ADARB2: variants seen among roughly 807,000 people sequenced by gnomAD.
ADARB2 encodes adenosine deaminase RNA specific B2 (inactive), also known as inactive double-stranded RNA-specific editase B2.
A neutral mutation model predicts 62.2 loss-of-function variants in ADARB2; 25 were observed. That is an observed-to-expected ratio of 0.40 (90% CI 0.29 to 0.56). The LOEUF (loss-of-function observed/expected upper bound fraction) is 0.56. ADARB2 is among the 20% of genes least tolerant of loss of function. ADARB2 has a pLI of 0.43. For synonymous variants in ADARB2, 572 were observed against 500.8 expected, an observed-to-expected ratio of 1.14 and a Z score of -1.90; for missense variants, 1,071 against 1,077.4, an observed-to-expected ratio of 0.99 and a Z score of 0.08.
At chr10:1,285,723 C>T (rs1287555538) in intron 3 of ADARB2, among the ~76,000 whole-genome samples, 1 of 152,176 alleles carries the variant, frequency 6.6e-6, no homozygotes, top group Non-Finnish European at 1.5e-5. Flanking sequence ...GCATTATTCA[C>T]ATTGGAAAAT....
intron 4 of ADARB2, among the ~76,000 whole-genome samples, chr10:1,263,170 T>C (rs1831160125): frequency 2.0e-5 from 3 of 149,526 alleles, no homozygotes; most frequent in African/African-American, 7.3e-5. Flanking sequence ...TTAGGAGATA[T>C]ACCTAATGCT....
intron 3 of ADARB2, among the ~76,000 whole-genome samples, chr10:1,289,422 G>T (rs1256187770): frequency 6.6e-6 from 1 of 152,218 alleles, no homozygotes; most frequent in Non-Finnish European, 1.5e-5. Context: ...TTCTAAATTG[G>T]TTGAGGCTTG....
At chr10:1,353,818 A>C (rs938910211) in intron 3 of ADARB2, among the ~76,000 whole-genome samples, 2 of 152,116 alleles carry the variant, frequency 1.3e-5, no homozygotes, top group Non-Finnish European at 2.9e-5. Flanking sequence ...ATACTGGCAC[A>C]CTTAAAAACC....
chr10:1,222,508 G>A (rs1830704184), intron 6 of ADARB2, among the ~76,000 whole-genome samples: 3 of 150,044 alleles, frequency 2.0e-5, no homozygotes, highest in Admixed American at 2.0e-4. Context: ...TGTCCTGAAT[G>A]GTATTGCCTA....
At chr10:1,577,426 T>C (rs1054347451) in intron 1 of ADARB2, among the ~76,000 whole-genome samples, 6 of 152,238 alleles carry the variant, frequency 3.9e-5, no homozygotes, top group Admixed American at 1.3e-4. Context: ...AGTGATACCC[T>C]CATGCACACA....
chr10:1,690,805 G>C (rs368254558), intron 1 of ADARB2, among the ~76,000 whole-genome samples: 3 of 152,176 alleles, frequency 2.0e-5, no homozygotes, highest in Non-Finnish European at 4.4e-5. Flanking sequence ...CATGCACACT[G>C]TCATTCGGCT....
chr10:1,641,973 A>T (rs1833984588), intron 1 of ADARB2, among the ~76,000 whole-genome samples: 1 of 152,156 alleles, frequency 6.6e-6, no homozygotes, highest in Non-Finnish European at 1.5e-5. Flanking sequence ...AGATGGTGCC[A>T]CTGCACTCCA....
intron 1 of ADARB2, among the ~76,000 whole-genome samples, chr10:1,726,204 G>T (rs960901174): frequency 6.6e-6 from 1 of 152,160 alleles, no homozygotes; most frequent in Admixed American, 6.5e-5. Flanking sequence ...AGTGCGGTTG[G>T]GTGTAGCCTC....
chr10:1,339,376 A>G (rs762459635), intron 3 of ADARB2, among the ~76,000 whole-genome samples: 15 of 152,216 alleles, frequency 9.9e-5, no homozygotes, highest in Middle Eastern at 3.2e-3. Flanking sequence ...CATTCCTGCC[A>G]ACTGCACTTT....
chr10:1,609,814 C>T (rs142752524), intron 1 of ADARB2, among the ~76,000 whole-genome samples: 190 of 152,298 alleles, frequency 1.2e-3, no homozygotes, highest in African/African-American at 3.8e-3. Context: ...CATGACCACG[C>T]GTAGCGTTAG....
chr10:1,490,196 A>G (rs546899844), intron 1 of ADARB2, among the ~76,000 whole-genome samples: 4 of 152,352 alleles, frequency 2.6e-5, no homozygotes, highest in Admixed American at 2.6e-4. Flanking sequence ...TTCACCCAGG[A>G]CTTGCCTTGG....
intron 3 of ADARB2, among the ~76,000 whole-genome samples, chr10:1,312,521 T>C (rs1831701440): frequency 6.6e-6 from 1 of 152,244 alleles, no homozygotes; most frequent in Admixed American, 6.5e-5. Flanking sequence ...TCCTGATTTC[T>C]CATTTCTGGA....
At chr10:1,334,290 G>T (rs1008622874) in intron 3 of ADARB2, among the ~76,000 whole-genome samples, 3 of 152,158 alleles carry the variant, frequency 2.0e-5, no homozygotes, top group Admixed American at 2.0e-4. Flanking sequence ...GCTTTTGGTC[G>T]AATACATTTG....
intron 1 of ADARB2, among the ~76,000 whole-genome samples, chr10:1,587,743 A>G (rs1266244734): frequency 6.6e-6 from 1 of 152,214 alleles, no homozygotes; most frequent in Non-Finnish European, 1.5e-5. Flanking sequence ...TGTAGCTCCC[A>G]TAATTCCCAC....
intron 1 of ADARB2, among the ~76,000 whole-genome samples, chr10:1,517,969 A>G (rs1241394986): frequency 4.3e-4 from 66 of 152,164 alleles, no homozygotes; most frequent in Non-Finnish European, 8.8e-5. Context: ...CCTTGAGTGA[A>G]TGAAAGGGGG....
chr10:1,695,989 A>G, intron 1 of ADARB2, among the ~76,000 whole-genome samples: 1 of 143,312 alleles, frequency 7.0e-6, no homozygotes, highest in Non-Finnish European at 1.5e-5. Flanking sequence ...ATGTGCATGC[A>G]TGTGTGTGGG....
chr10:1,451,146 C>G (rs1458646479), intron 1 of ADARB2, among the ~76,000 whole-genome samples: 1 of 151,980 alleles, frequency 6.6e-6, no homozygotes, highest in East Asian at 1.9e-4. Context: ...CTTTGTGTGA[C>G]AAGTGTTTGC....
chr10:1,643,432 G>A (rs141062453), intron 1 of ADARB2, among the ~76,000 whole-genome samples: 59 of 152,336 alleles, frequency 3.9e-4, no homozygotes, highest in Middle Eastern at 3.4e-3. Context: ...TCCCAGACTG[G>A]AGGGCTAGAG....
rs768695693 is a variant in ADARB2, at chr10:1,571,285, C to CT, written c.100+165765dup. Among the ~76,000 whole-genome samples, 894 of 139,476 alleles carry CT rather than the reference C, an allele frequency of 6.4e-3. 9 individuals are homozygous for CT. The highest frequency in any genetic ancestry group is 0.022 in the South Asian group (95 of 4,398). The allele number at this position is 139,476 out of a possible 152,430, so 91.5% of individuals were successfully genotyped here. A position where few individuals can be genotyped will look rare whatever the true frequency, so the allele number is the denominator to read the frequency against. On this transcript the variant is annotated intron_variant, in intron 1 of 9. Coordinates refer to ENST00000381312, the MANE Select transcript of ADARB2 (RefSeq NM_018702.4). ...AAGTGTAACTTTTGATCTATTTTTA[C>CT]TTTTTTTTTTTTAAAAAAAGCCTGT...
Sources: gnomAD v4.1 joint callset for allele counts (sites outside exome capture counted in the v4.1 genomes callset) on GRCh38, gnomAD v4.1.1 for gene constraint, MANE v1.5 for transcripts, NCBI Gene and HGNC (gene_info 2026-07-23, HGNC 2026-07-21) for gene names.